The following PDZRN4 variants were observed in gnomAD, a reference collection of about 807,000 sequenced individuals.
The protein encoded by PDZRN4 is PDZ domain-containing RING finger protein 4.
In PDZRN4, 70 loss-of-function variants were observed where a neutral mutation model predicts 99.0. That is an observed-to-expected ratio of 0.71 (90% confidence interval 0.58 to 0.86). The LOEUF is 0.86. Ranked by LOEUF, PDZRN4 falls within the 40% of genes least tolerant of loss-of-function variation. The pLI is 0.00. For synonymous variants in PDZRN4, 551 were observed against 501.6 expected (o/e 1.10, Z -1.32); for missense variants, 1,474 against 1,331.2 (o/e 1.11, Z -1.67).
intron 3 of PDZRN4, among the ~76,000 whole-genome samples, chr12:41,353,791 G>T (rs1281865414): frequency 1.3e-5 from 2 of 152,032 alleles, no homozygotes; most frequent in African/African-American, 4.8e-5. Flanking sequence ...TCCAACAATT[G>T]CCTTTTCTAC....
At chr12:41,324,601 A>C (rs1951699183) in intron 3 of PDZRN4, among the ~76,000 whole-genome samples, 1 of 152,110 alleles carries the variant, frequency 6.6e-6, no homozygotes, top group East Asian at 1.9e-4. Flanking sequence ...ATAATAAGTG[A>C]TTTAAAAGAA....
intron 5 of PDZRN4, among the ~76,000 whole-genome samples, chr12:41,533,082 TTC>T (rs1410575285): frequency 1.3e-5 from 2 of 152,188 alleles, no homozygotes; most frequent in Admixed American, 1.3e-4. Flanking sequence ...CTACTTCTAA[TTC>T]TGTCATTTTT....
chr12:41,428,383 G>T (rs1448986695), intron 3 of PDZRN4, among the ~76,000 whole-genome samples: 1 of 152,092 alleles, frequency 6.6e-6, no homozygotes, highest in African/African-American at 2.4e-5. Context: ...AATAATGTTT[G>T]CTCCATGAGA....
At position 41,265,540 on chromosome 12, in the gene PDZRN4, T is replaced by C. The variant is rs543416819; in HGVS notation, c.843+71352T>C. On this transcript the variant is annotated intron_variant, in intron 3 of 9. Transcript: ENST00000402685. Reference sequence around the variant, plus strand: ...ATTAAAATATATTGCATCAAAAAAATTGAGCATTTAAGGAAAACACTAGGC... The same window carrying C: ...ATTAAAATATATTGCATCAAAAAAACTGAGCATTTAAGGAAAACACTAGGC... Among the ~76,000 whole-genome samples, 6 of 152,244 alleles carry C rather than the reference T, an allele frequency of 3.9e-5. No homozygotes were observed. In the East Asian group the frequency reaches 9.7e-4, roughly 25 times the overall value.
chr12:41,399,551 A>G (rs1010166767), intron 3 of PDZRN4, among the ~76,000 whole-genome samples: 7 of 152,148 alleles, frequency 4.6e-5, no homozygotes, highest in Non-Finnish European at 8.8e-5. Flanking sequence ...CCTGGGCAAC[A>G]TGGTGAAACC....
At chr12:41,479,844 A>G (rs535676341) in intron 3 of PDZRN4, among the ~76,000 whole-genome samples, 16 of 152,332 alleles carry the variant, frequency 1.1e-4, no homozygotes, top group African/African-American at 3.6e-4. Flanking sequence ...AATACTTTTT[A>G]TCCTTAAAAC....
chr12:41,372,137 T>G (rs1952046787), intron 3 of PDZRN4, among the ~76,000 whole-genome samples: 1 of 144,522 alleles, frequency 6.9e-6, no homozygotes. Context: ...TATAAGGGAT[T>G]AAAGGGGGAA....
chr12:41,371,424 T>C (rs1380538948), intron 3 of PDZRN4, among the ~76,000 whole-genome samples: 1 of 151,990 alleles, frequency 6.6e-6, no homozygotes, highest in African/African-American at 2.4e-5. Flanking sequence ...AGTGATTGAA[T>C]TTTTTCTGGT....
At chr12:41,389,884 T>G (rs1463296435) in intron 3 of PDZRN4, among the ~76,000 whole-genome samples, 1 of 152,188 alleles carries the variant, frequency 6.6e-6, no homozygotes, top group Admixed American at 6.5e-5. Context: ...TGCAAAACAC[T>G]GAGTGTAGTC....
At chr12:41,243,672 T>A (rs1951114867) in intron 3 of PDZRN4, among the ~76,000 whole-genome samples, 1 of 152,174 alleles carries the variant, frequency 6.6e-6, no homozygotes, top group Non-Finnish European at 1.5e-5. Flanking sequence ...CTTTCATACT[T>A]TAATTTGAGG....
At chr12:41,290,023 C>T (rs1171021908) in intron 3 of PDZRN4, among the ~76,000 whole-genome samples, 1 of 152,138 alleles carries the variant, frequency 6.6e-6, no homozygotes, top group East Asian at 1.9e-4. Flanking sequence ...AGGCTATCTA[C>T]TGATTTGTGA....
At chr12:41,225,051 A>G (rs1950983778) in intron 3 of PDZRN4, among the ~76,000 whole-genome samples, 1 of 152,216 alleles carries the variant, frequency 6.6e-6, no homozygotes, top group South Asian at 2.1e-4. Context: ...AATGATCATT[A>G]TAACTATATA....
chr12:41,437,851 A>T, intron 3 of PDZRN4: 3 of 1,607,196 alleles, frequency 1.9e-6, no homozygotes, highest in South Asian at 2.2e-5. Context: ...GATGAAAAAC[A>T]GTAGTCAAGT....
chr12:41,211,864 T>G (rs1950890788), intron 3 of PDZRN4, among the ~76,000 whole-genome samples: 1 of 152,018 alleles, frequency 6.6e-6, no homozygotes, highest in Non-Finnish European at 1.5e-5. Flanking sequence ...AATTGTGCAT[T>G]CACCTGTAGA....
intron 3 of PDZRN4, among the ~76,000 whole-genome samples, chr12:41,237,959 T>C (rs1009328784): frequency 6.6e-6 from 1 of 152,214 alleles, no homozygotes; most frequent in Non-Finnish European, 1.5e-5. Context: ...AGGCTCTTTT[T>C]TCTTTCCATA....
intron 3 of PDZRN4, among the ~76,000 whole-genome samples, chr12:41,197,747 G>C (rs139492897): frequency 6.6e-6 from 1 of 152,022 alleles, no homozygotes; most frequent in African/African-American, 2.4e-5. Flanking sequence ...CCTATCGAAG[G>C]TTGGGCACAA....
At chr12:41,247,992 T>G (rs1385309160) in intron 3 of PDZRN4, among the ~76,000 whole-genome samples, 1 of 152,170 alleles carries the variant, frequency 6.6e-6, no homozygotes, top group Admixed American at 6.5e-5. Flanking sequence ...GACTGTTGTT[T>G]TAGGCAGTCA....
intron 3 of PDZRN4, among the ~76,000 whole-genome samples, chr12:41,204,525 C>T (rs1950835673): frequency 6.6e-6 from 1 of 151,960 alleles, no homozygotes; most frequent in African/African-American, 2.4e-5. Flanking sequence ...CTGGGGAGGT[C>T]TCAGGAAACT....
intron 2 of PDZRN4, among the ~76,000 whole-genome samples, chr12:41,193,793 G>A (rs1337666902): frequency 6.6e-6 from 1 of 152,050 alleles, no homozygotes; most frequent in South Asian, 2.1e-4. Flanking sequence ...ATACTTAAAA[G>A]CCAGTTTATT....
Sources: allele counts gnomAD v4.1 joint callset (sites outside exome capture counted in the v4.1 genomes callset), GRCh38; gene constraint gnomAD v4.1.1; transcripts MANE v1.5; gene names NCBI Gene and HGNC (gene_info 2026-07-23, HGNC 2026-07-21).